PSEN1: variants seen among roughly 807,000 people sequenced by gnomAD.
The protein encoded by PSEN1 is presenilin-1.
In PSEN1, 15 loss-of-function variants were observed where a neutral mutation model predicts 53.5. That is an observed-to-expected ratio of 0.28 (90% CI 0.19 to 0.43). PSEN1 has a LOEUF of 0.43. Among genes scored for constraint, PSEN1 ranks in the 20% least tolerant of loss-of-function variants. The probability of loss-of-function intolerance (pLI) is 1.00; values close to 1 mark genes in which losing one functional copy is unlikely to be tolerated. For synonymous variants in PSEN1, 208 were observed against 209.8 expected (o/e 0.99, Z 0.08); for missense variants, 387 against 571.2 (o/e 0.68, Z 3.29).
intron 5 of PSEN1, among the ~76,000 whole-genome samples, chr14:73,174,886 CCAAAGTGACCTACTGCTGAGTTT>C (rs1341177104): frequency 1.2e-4 from 18 of 152,274 alleles, no homozygotes; most frequent in Non-Finnish European, 2.2e-4. Flanking sequence ...CGCTCTTTTG[CCAAAGTGACCTACTGCTGAGTTT>C]CAAAGTGACC....
chr14:73,192,333 TAGG>T (rs1361871732), intron 6 of PSEN1, among the ~76,000 whole-genome samples: 1 of 151,938 alleles, frequency 6.6e-6, no homozygotes. Context: ...CCCAGCTACT[TAGG>T]AGGCTGAGCT....
intron 9 of PSEN1, among the ~76,000 whole-genome samples, chr14:73,211,001 C>T (rs74061004): frequency 0.02 from 3,092 of 152,286 alleles, 100 homozygotes; most frequent in African/African-American, 0.067. Flanking sequence ...CCGCTCCTTT[C>T]CCAATCCACC....
At chr14:73,214,047 T>G (rs1360080410) in intron 10 of PSEN1, among the ~76,000 whole-genome samples, 1 of 152,228 alleles carries the variant, frequency 6.6e-6, no homozygotes, top group African/African-American at 2.4e-5. Context: ...CATAGTAATA[T>G]TGTTCATAAC....
In PSEN1 at chr14:73,199,967, G is replaced by A. The variant is rs144737303; in HGVS notation, c.868+1838G>A. Among the ~76,000 whole-genome samples the A allele has an allele frequency of 6.0e-3, 906 of 151,834 alleles. 12 individuals carry two copies. The highest frequency in any genetic ancestry group is 0.021 in the African/African-American group (858 of 41,420). On this transcript the variant is annotated intron_variant, in intron 8 of 11. Transcript: ENST00000324501. Reference sequence around the variant, plus strand: ...TCACCATGTTGACCAGGCTGGTCTCGAACTCCTGACTTCAGGTGATCCGCC... The same window carrying A: ...TCACCATGTTGACCAGGCTGGTCTCAAACTCCTGACTTCAGGTGATCCGCC...
chr14:73,186,335 C>T (rs12184969), intron 5 of PSEN1, among the ~76,000 whole-genome samples: 19,471 of 151,272 alleles, frequency 0.13, 1,663 homozygotes, highest in South Asian at 0.24. Flanking sequence ...GCCGAGATTG[C>T]GCCATTGCAC....
At chr14:73,141,420 T>C (rs1223773449) in intron 1 of PSEN1, among the ~76,000 whole-genome samples, 1 of 152,230 alleles carries the variant, frequency 6.6e-6, no homozygotes, top group African/African-American at 2.4e-5. Flanking sequence ...GATTTGCTCC[T>C]AGTCTCTTAA....
intron 3 of PSEN1, among the ~76,000 whole-genome samples, chr14:73,158,304 C>CTATG (rs1360275360): frequency 6.6e-6 from 1 of 151,310 alleles, no homozygotes; most frequent in Non-Finnish European, 1.5e-5. Context: ...ATCTATCTAT[C>CTATG]TATCTATCTA....
chr14:73,154,838 TA>T (rs1202708721), intron 3 of PSEN1, among the ~76,000 whole-genome samples: 4 of 152,200 alleles, frequency 2.6e-5, no homozygotes, highest in Admixed American at 2.0e-4. Context: ...CTAATAGGGA[TA>T]AAAATTAAAA....
intron 3 of PSEN1, among the ~76,000 whole-genome samples, chr14:73,158,291 T>TCTATCTATCTAC (rs1317434421): frequency 3.7e-5 from 5 of 134,042 alleles, no homozygotes; most frequent in Non-Finnish European, 8.1e-5. Context: ...TTTCTATCTA[T>TCTATCTATCTAC]CTATCTATCT....
At chr14:73,137,007 A>G (rs569218791) in intron 1 of PSEN1, 2 of 155,318 alleles carry the variant, frequency 1.3e-5, no homozygotes, top group Non-Finnish European at 1.4e-5. Context: ...TTCTGGGCGA[A>G]GTCCGCACGC....
At chr14:73,176,516 G>A (rs1898052070) in intron 5 of PSEN1, among the ~76,000 whole-genome samples, 2 of 152,138 alleles carry the variant, frequency 1.3e-5, no homozygotes, top group African/African-American at 2.4e-5. Flanking sequence ...TTGGATAGGT[G>A]GAGCTCTGGA....
intron 1 of PSEN1, among the ~76,000 whole-genome samples, chr14:73,145,189 G>A (rs188774620): frequency 2.9e-3 from 436 of 152,046 alleles, no homozygotes; most frequent in African/African-American, 9.6e-3. Flanking sequence ...CACTGCGTCC[G>A]GCCTACTTAC....
chr14:73,192,263 C>T (rs540402394), intron 6 of PSEN1, among the ~76,000 whole-genome samples: 2 of 152,106 alleles, frequency 1.3e-5, no homozygotes, highest in South Asian at 4.2e-4. Flanking sequence ...CATGTTGAAA[C>T]CCTATCTGTA....
Position 73,158,389 on chromosome 14 carries a change from G to T in PSEN1, c.87+10283G>T, listed in dbSNP as rs548607017. ...AGCAAAGGCTGGAGTGCAGTGGCAT[G>T]ATCTTGGCTCACTGCAACCTCTGCC... is the stretch of plus-strand genomic sequence containing the variant. On this transcript the variant is annotated intron_variant, in intron 3 of 11. Transcript: ENST00000324501. Among the ~76,000 whole-genome samples the T allele has an allele frequency of 2.5e-4, 38 of 151,924 alleles. 1 individual carries two copies. The South Asian group carries it at 4.8e-3, about 19-fold the overall frequency.
chr14:73,162,593 A>G (rs1897586123), intron 3 of PSEN1, among the ~76,000 whole-genome samples: 1 of 151,988 alleles, frequency 6.6e-6, no homozygotes, highest in Non-Finnish European at 1.5e-5. Flanking sequence ...TAGGAGGTCA[A>G]CGCTGTGGTA....
chr14:73,158,035 T>G (rs1346051577), intron 3 of PSEN1, among the ~76,000 whole-genome samples: 1 of 152,130 alleles, frequency 6.6e-6, no homozygotes, highest in Non-Finnish European at 1.5e-5. Context: ...TCTTTCAGCA[T>G]AATTATTTTG....
At chr14:73,167,828 C>CTTTTT (rs34669034) in intron 3 of PSEN1, 23 of 125,764 alleles carry the variant, frequency 1.8e-4, no homozygotes, top group African/African-American at 7.0e-4. Flanking sequence ...CCTCTTCCAC[C>CTTTTT]TTTTTTTTTT....
chr14:73,208,320 G>A (rs1057230300), intron 9 of PSEN1, among the ~76,000 whole-genome samples: 1 of 152,206 alleles, frequency 6.6e-6, no homozygotes, highest in Non-Finnish European at 1.5e-5. Context: ...GTGGACAGCT[G>A]GAGGGAGAGC....
In PSEN1 at chr14:73,217,316, C is replaced by A. The variant is rs200538745; in HGVS notation, c.1248+72C>A. On this transcript the variant is annotated intron_variant, in intron 11 of 11. Coordinates refer to ENST00000324501, the MANE Select transcript of PSEN1 (RefSeq NM_000021.4). Reference sequence around the variant, plus strand: ...CTTTGATTACACAGTCCCTTTAAGGCAGTTCTGTTTTAACCCCAGGTGGGT... The same window carrying A: ...CTTTGATTACACAGTCCCTTTAAGGAAGTTCTGTTTTAACCCCAGGTGGGT... 5.2e-5 allele frequency: 82 copies of A among 1,575,334 alleles called. 2 individuals are homozygous for A. In the East Asian group the frequency reaches 1.8e-3, roughly 35 times the overall value.
Sources: gnomAD v4.1 joint callset for allele counts (sites outside exome capture counted in the v4.1 genomes callset) on GRCh38, gnomAD v4.1.1 for gene constraint, MANE v1.5 for transcripts, NCBI Gene and HGNC (gene_info 2026-07-23, HGNC 2026-07-21) for gene names.